The following RIMBP2 variants were observed in gnomAD, a reference collection of about 807,000 sequenced individuals.
RIMBP2 encodes the protein RIMS binding protein 2, also known as RIMS-binding protein 2.
Under a neutral mutation model 118.6 loss-of-function variants are expected in RIMBP2, and 48 were observed. That is an observed-to-expected ratio of 0.40 (90% confidence interval 0.32 to 0.51). The LOEUF (loss-of-function observed/expected upper bound fraction) is 0.51, where lower values mean the gene tolerates loss of function less well. Among genes scored for constraint, RIMBP2 ranks in the 20% least tolerant of loss-of-function variants. The probability of loss-of-function intolerance (pLI) is 0.41; values close to 1 mark genes in which losing one functional copy is unlikely to be tolerated. For missense variants in RIMBP2, 1,551 were observed against 1,768.3 expected, an observed-to-expected ratio of 0.88 and a Z score of 2.20; for synonymous variants, 762 against 742.9, an observed-to-expected ratio of 1.03 and a Z score of -0.42.
chr12:130,566,766 A>G (rs2057252303), intron 2 of RIMBP2, among the ~76,000 whole-genome samples: 1 of 152,218 alleles, frequency 6.6e-6, no homozygotes, highest in Non-Finnish European at 1.5e-5. Flanking sequence ...TGGTGAGATA[A>G]CCAGAGTTTG....
chr12:130,614,154 C>T (rs73458791), intron 2 of RIMBP2, among the ~76,000 whole-genome samples: 2,668 of 152,270 alleles, frequency 0.018, 86 homozygotes, highest in African/African-American at 0.062. Flanking sequence ...CACAGTTGCA[C>T]GTATACTATG....
In RIMBP2 at chr12:130,437,253, G is replaced by A. The variant is rs1216348134; in HGVS notation, c.1695C>T (p.Ala565=). The A allele has an allele frequency of 1.5e-5, 23 of 1,584,560 alleles. No individual in the cohort carries two copies. Among genetic ancestry groups the A allele is most frequent in the Middle Eastern group, 1.6e-4 (1 of 6,062 alleles). Residue 565 remains alanine, a synonymous_variant, in exon 13 of 23, where the codon GCC becomes GCT. Transcript: ENST00000690449. ...GGCTCCGCAGCCGCACAAGCTCCAC[G>A]GCCGTGCTGTCTGCCGTGGGGAAGA... ...EVIFPTADST[A]VELVRLRSLE...
intron 6 of RIMBP2, 62 bp from the exon 7 acceptor site, chr12:130,456,762 G>T (rs766385346): frequency 2.7e-4 from 343 of 1,282,788 alleles, no homozygotes; most frequent in Non-Finnish European, 3.6e-4. Flanking sequence ...ATGTGTGTGC[G>T]CCTGTTCACA....
chr12:130,625,270 C>G (rs991628509), intron 2 of RIMBP2, among the ~76,000 whole-genome samples: 3 of 152,182 alleles, frequency 2.0e-5, no homozygotes, highest in Admixed American at 6.5e-5. Flanking sequence ...TTTTCCAACT[C>G]AGATCTGTGA....
intron 1 of RIMBP2, chr12:130,657,915 TA>T (rs1169521411): frequency 6.6e-6 from 1 of 152,260 alleles, no homozygotes; most frequent in Non-Finnish European, 1.5e-5. Flanking sequence ...TATCTGGCCT[TA>T]AACAGGCCTG....
At chr12:130,649,957 G>A (rs919804977) in intron 1 of RIMBP2, among the ~76,000 whole-genome samples, 2 of 152,030 alleles carry the variant, frequency 1.3e-5, no homozygotes, top group African/African-American at 4.8e-5. Flanking sequence ...TCTGCAGGTC[G>A]GAGATTCAAC....
intron 2 of RIMBP2, among the ~76,000 whole-genome samples, chr12:130,601,372 G>A (rs1243367080): frequency 6.8e-6 from 1 of 147,462 alleles, no homozygotes; most frequent in African/African-American, 2.5e-5. Flanking sequence ...CAAACCGGCT[G>A]GTGAATGTGA....
At chr12:130,405,898 TAAG>T (rs1218443240) in intron 21 of RIMBP2, among the ~76,000 whole-genome samples, 1 of 152,184 alleles carries the variant, frequency 6.6e-6, no homozygotes, top group Admixed American at 6.5e-5. Context: ...ATTTAAAAAA[TAAG>T]AATATGAATG....
chr12:130,527,378 A>G (rs928515034), intron 2 of RIMBP2, among the ~76,000 whole-genome samples: 3 of 152,096 alleles, frequency 2.0e-5, no homozygotes, highest in African/African-American at 7.2e-5. Flanking sequence ...GTTCCCTTCT[A>G]TTTTCAGAAA....
intron 1 of RIMBP2, among the ~76,000 whole-genome samples, chr12:130,685,894 T>C (rs11829710): frequency 0.078 from 11,909 of 152,092 alleles, 1,562 homozygotes; most frequent in African/African-American, 0.27. Flanking sequence ...CATCAGCCAA[T>C]CTTTCTTTAA....
At chr12:130,512,049 C>G (rs372314015) in intron 3 of RIMBP2, among the ~76,000 whole-genome samples, 3 of 152,164 alleles carry the variant, frequency 2.0e-5, no homozygotes, top group African/African-American at 7.2e-5. Flanking sequence ...ATTCAGCAGC[C>G]GCTGATCCCA....
rs999627559 is a variant in RIMBP2 at position 130,620,277 on chromosome 12, C to A, written c.-217+8045G>T. 6.6e-6 allele frequency among the ~76,000 whole-genome samples: 1 copy of A among 152,166 alleles called. No individual in the cohort carries two copies. Among genetic ancestry groups the A allele is most frequent in the African/African-American group, 2.4e-5 (1 of 41,430 alleles). On this transcript the variant is annotated intron_variant, in intron 2 of 22. Transcript: ENST00000690449. The surrounding 1 kb of genome is among the most constrained non-coding windows in gnomAD (Gnocchi z 5.3). ...GGGACCCAAGGACAAAAAAAAGAAC[C>A]AGCAGCCAGAGCATGTCTCCCACTC... is the stretch of plus-strand genomic sequence containing the variant.
At chr12:130,436,783 G>A (rs994041236) in intron 13 of RIMBP2, 59 bp downstream of exon 13, 28 of 1,301,088 alleles carry the variant, frequency 2.2e-5, no homozygotes, top group Non-Finnish European at 6.9e-6. Context: ...AGATTACAGG[G>A]CCCCGTCCCG....
chr12:130,545,117 C>T (rs536533146), intron 2 of RIMBP2, among the ~76,000 whole-genome samples: 5 of 152,076 alleles, frequency 3.3e-5, no homozygotes, highest in Non-Finnish European at 7.4e-5. Flanking sequence ...TAAATTGTAC[C>T]TATATATCAT....
chr12:130,489,709 G>A (rs983220511), intron 4 of RIMBP2, among the ~76,000 whole-genome samples: 1 of 152,134 alleles, frequency 6.6e-6, no homozygotes, highest in East Asian at 1.9e-4. Flanking sequence ...TCCACCCTGT[G>A]TGTCACAATC....
chr12:130,473,376 C>T (rs750789095), intron 5 of RIMBP2, among the ~76,000 whole-genome samples: 2 of 152,250 alleles, frequency 1.3e-5, no homozygotes, highest in Non-Finnish European at 2.9e-5. Flanking sequence ...GGCCTGTTAC[C>T]CAGAGGATCT....
intron 1 of RIMBP2, among the ~76,000 whole-genome samples, chr12:130,664,092 G>T (rs1357322215): frequency 2.0e-5 from 3 of 151,502 alleles, no homozygotes; most frequent in Admixed American, 1.3e-4. Context: ...TATATCTATA[G>T]TAACCCCTAG....
chr12:130,480,546 TTTA>T (rs1297308996), intron 4 of RIMBP2, among the ~76,000 whole-genome samples: 1 of 152,224 alleles, frequency 6.6e-6, no homozygotes, highest in Non-Finnish European at 1.5e-5. Context: ...TCATTTATTT[TTTA>T]TTATTTTATT....
At chr12:130,423,071 C>A (rs1718201626) in intron 16 of RIMBP2, among the ~76,000 whole-genome samples, 1 of 152,336 alleles carries the variant, frequency 6.6e-6, no homozygotes, top group Admixed American at 6.5e-5. Context: ...CAACATTCTA[C>A]TCCTAATCTG....
Sources: gnomAD v4.1 joint callset for allele counts (sites outside exome capture counted in the v4.1 genomes callset) on GRCh38, gnomAD v4.1.1 for gene constraint, Gnocchi (gnomAD v3.1) non-coding constraint, MANE v1.5 for transcripts, NCBI Gene and HGNC (gene_info 2026-07-23, HGNC 2026-07-21) for gene names.